Variants in LPP observed in about 807,000 individuals in gnomAD.
LPP encodes the protein LIM domain containing preferred translocation partner in lipoma.
A neutral mutation model predicts 60.4 loss-of-function variants in LPP; 38 were observed. The observed-to-expected ratio is 0.63, with a 90% CI of 0.49 to 0.83. The LOEUF is 0.83. LPP is among the 40% of genes least tolerant of loss of function. The probability of loss-of-function intolerance (pLI) is 0.00; values close to 1 mark genes in which losing one functional copy is unlikely to be tolerated. For missense variants in LPP, 902 were observed against 783.6 expected (o/e 1.15, Z -1.80); for synonymous variants, 328 against 290.8 (o/e 1.13, Z -1.30).
chr3:188,614,980 C>T (rs1374531843), intron 7 of LPP, among the ~76,000 whole-genome samples: 1 of 152,196 alleles, frequency 6.6e-6, no homozygotes, highest in Non-Finnish European at 1.5e-5. Context: ...TCACTAAGTA[C>T]TTAATATGGA....
rs1213273410 is a variant in LPP, at chr3:188,509,611, AT to A, written c.307-15045del. On this transcript the variant is annotated intron_variant, in intron 5 of 11. Transcript: ENST00000617246. Reference sequence around the variant, plus strand: ...TTGGAAGTGAGTAATTCAACTTTTCATTTTTTTTTGTCCCCTTCCTTCCTTC... The same window carrying A: ...TTGGAAGTGAGTAATTCAACTTTTCATTTTTTTTGTCCCCTTCCTTCCTTC... 8.4e-4 allele frequency among the ~76,000 whole-genome samples: 123 copies of A among 146,790 alleles called. 1 individual carries two copies. The highest frequency in any genetic ancestry group is 2.3e-3 in the African/African-American group (90 of 39,850).
intron 10 of LPP, among the ~76,000 whole-genome samples, chr3:188,870,364 A>G (rs972472103): frequency 3.3e-5 from 5 of 152,306 alleles, no homozygotes; most frequent in Admixed American, 6.5e-5. Context: ...GACTCTTTGC[A>G]TGTATGGAGG....
intron 2 of LPP, chr3:188,239,994 A>C: frequency 5.1e-6 from 1 of 196,836 alleles, no homozygotes; most frequent in East Asian, 7.9e-5. Flanking sequence ...AGGCCCAGAG[A>C]AGTAAAATGA....
At chr3:188,463,621 C>T (rs1189619667) in intron 4 of LPP, among the ~76,000 whole-genome samples, 2 of 152,100 alleles carry the variant, frequency 1.3e-5, no homozygotes, top group African/African-American at 2.4e-5. Context: ...TGCAAGAGTC[C>T]AATGCTGCAT....
intron 1 of LPP, among the ~76,000 whole-genome samples, chr3:188,162,451 A>G (rs1284498729): frequency 6.6e-6 from 1 of 152,226 alleles, no homozygotes; most frequent in Non-Finnish European, 1.5e-5. Context: ...TTATTTCACT[A>G]GTACTAATTA....
intron 4 of LPP, among the ~76,000 whole-genome samples, chr3:188,417,290 T>G (rs1786559802): frequency 6.6e-6 from 1 of 152,006 alleles, no homozygotes; most frequent in African/African-American, 2.4e-5. Context: ...GTAAATTTAG[T>G]GCCGTAATAT....
chr3:188,303,449 A>G (rs141724582), intron 2 of LPP, among the ~76,000 whole-genome samples: 1 of 152,318 alleles, frequency 6.6e-6, no homozygotes, highest in Non-Finnish European at 1.5e-5. Context: ...GAACTTATAA[A>G]TGAATGAATG....
intron 4 of LPP, among the ~76,000 whole-genome samples, chr3:188,448,184 A>T (rs1378697990): frequency 6.6e-6 from 1 of 152,154 alleles, no homozygotes; most frequent in Non-Finnish European, 1.5e-5. Context: ...AAACAATTGT[A>T]CTTGTTGGCA....
At chr3:188,160,358 C>T (rs1020288050) in intron 1 of LPP, among the ~76,000 whole-genome samples, 1 of 152,004 alleles carries the variant, frequency 6.6e-6, no homozygotes, top group African/African-American at 2.4e-5. Flanking sequence ...GCACGCCTGG[C>T]TAATTTTTGT....
chr3:188,525,052 C>T (rs762048280), intron 6 of LPP, among the ~76,000 whole-genome samples: 14 of 151,422 alleles, frequency 9.2e-5, no homozygotes, highest in African/African-American at 2.9e-4. Context: ...CTGCAACCTC[C>T]GCCTCCCGGG....
intron 7 of LPP, among the ~76,000 whole-genome samples, chr3:188,630,799 G>A (rs528455663): frequency 3.3e-5 from 5 of 152,112 alleles, no homozygotes; most frequent in Admixed American, 6.5e-5. Flanking sequence ...AATAGACTGG[G>A]TAAAGAAAAT....
rs1032184843 is a variant in LPP, at chr3:188,217,684, G to A, written c.-189-7721G>A. On this transcript the variant is annotated intron_variant, in intron 1 of 11. Coordinates refer to ENST00000617246, the MANE Select transcript of LPP (RefSeq NM_001375462.1). This position sits in a 1 kb window ranked among gnomAD's most constrained non-coding sequence, Gnocchi z 4.0. ...GTGATTTCCTTCAGAGAAATGCTGA[G>A]CTAAATGGGCAGGAATCTGGGATAC... 3.9e-5 allele frequency among the ~76,000 whole-genome samples: 6 copies of A among 152,286 alleles called. No individual in the cohort carries two copies. In the South Asian group the frequency reaches 6.2e-4, roughly 16 times the overall value.
intron 2 of LPP, among the ~76,000 whole-genome samples, chr3:188,331,441 T>C (rs1486038570): frequency 6.6e-6 from 1 of 152,258 alleles, no homozygotes; most frequent in Admixed American, 6.5e-5. Context: ...TCATGTTTAA[T>C]GTTTTCCCTT....
chr3:188,509,032 G>A (rs1028768062), intron 5 of LPP, among the ~76,000 whole-genome samples: 1 of 152,114 alleles, frequency 6.6e-6, no homozygotes, highest in African/African-American at 2.4e-5. Context: ...CATGGATATC[G>A]AAGGTGCTTC....
intron 7 of LPP, among the ~76,000 whole-genome samples, chr3:188,684,947 G>A (rs984679591): frequency 3.9e-5 from 6 of 152,136 alleles, no homozygotes; most frequent in Non-Finnish European, 5.9e-5. Context: ...GTCAGTAATT[G>A]GTGCCTCAGA....
chr3:188,830,499 G>A (rs977245195), intron 9 of LPP, among the ~76,000 whole-genome samples: 2 of 151,700 alleles, frequency 1.3e-5, no homozygotes, highest in South Asian at 2.1e-4. Context: ...CCAGTTACTC[G>A]GAGGCTGAGG....
chr3:188,314,502 T>G (rs1275695894), intron 2 of LPP, among the ~76,000 whole-genome samples: 3 of 152,184 alleles, frequency 2.0e-5, no homozygotes, highest in African/African-American at 7.2e-5. Context: ...TCATTGTTTC[T>G]GTATTATATA....
At chr3:188,290,041 T>A (rs1745400891) in intron 2 of LPP, among the ~76,000 whole-genome samples, 1 of 151,594 alleles carries the variant, frequency 6.6e-6, no homozygotes, top group Non-Finnish European at 1.5e-5. Flanking sequence ...CAGGATGGAG[T>A]GCAGTGGCGC....
At chr3:188,657,258 G>GTTTATATATATATATATATATATATA (rs1553782707) in intron 7 of LPP, among the ~76,000 whole-genome samples, 1 of 89,812 alleles carries the variant, frequency 1.1e-5, no homozygotes, top group South Asian at 4.6e-4. Flanking sequence ...CTGTCAAGGT[G>GTTTATATATATATATATATATATATA]TATATATATA....
Sources: allele counts gnomAD v4.1 joint callset (sites outside exome capture counted in the v4.1 genomes callset), GRCh38; gene constraint gnomAD v4.1.1; non-coding constraint Gnocchi (gnomAD v3.1); transcripts MANE v1.5; gene names NCBI Gene and HGNC (gene_info 2026-07-23, HGNC 2026-07-21).